UBE4B: variants seen among roughly 807,000 people sequenced by gnomAD.
UBE4B encodes ubiquitination factor E4B, also known as ubiquitin conjugation factor E4 B.
A neutral mutation model predicts 148.1 loss-of-function variants in UBE4B; 27 were observed. The observed-to-expected ratio is 0.18, with a 90% CI of 0.13 to 0.25. The LOEUF is 0.25. UBE4B is among the 10% of genes least tolerant of loss of function. The probability of loss-of-function intolerance (pLI) is 1.00; values close to 1 mark genes in which losing one functional copy is unlikely to be tolerated. For synonymous variants in UBE4B, 596 were observed against 619.3 expected (o/e 0.96, Z 0.56); for missense variants, 1,170 against 1,662.4 (o/e 0.70, Z 5.15).
chr1:10,098,978 C>T (rs1644968843), intron 3 of UBE4B, among the ~76,000 whole-genome samples: 1 of 152,174 alleles, frequency 6.6e-6, no homozygotes, highest in African/African-American at 2.4e-5. Context: ...TGGCTCACAC[C>T]TGTAATCCCA....
chr1:10,178,508 T>C lies in UBE4B; in HGVS notation c.3526-136T>C. ...CATAAAGACGGATATATAAAATATA[T>C]AAGTGTATATATAATTTTAGGGCTT... On this transcript the variant is annotated intron_variant, in intron 25 of 27. Transcript: ENST00000343090. The C allele has an allele frequency of 5.3e-6, 4 of 755,148 alleles. 1 individual carries two copies. The highest frequency in any genetic ancestry group is 8.2e-6 in the Non-Finnish European group (4 of 487,812). 46.8% of individuals were successfully genotyped at this position (755,148 alleles called of 1,614,324 possible). A position where few individuals can be genotyped will look rare whatever the true frequency, so the allele number is the denominator to read the frequency against.
intron 3 of UBE4B, among the ~76,000 whole-genome samples, chr1:10,096,963 T>C (rs1644938145): frequency 6.6e-6 from 1 of 150,840 alleles, no homozygotes; most frequent in South Asian, 2.1e-4. Flanking sequence ...CACTTGAACC[T>C]GGGAGGTGTA....
chr1:10,140,580 G>A (rs747336111), intron 17 of UBE4B, among the ~76,000 whole-genome samples: 8 of 152,042 alleles, frequency 5.3e-5, no homozygotes, highest in African/African-American at 1.7e-4. Flanking sequence ...TTTATCCTCC[G>A]ATGGATTACC....
chr1:10,064,385 G>A (rs1405463327), intron 1 of UBE4B, among the ~76,000 whole-genome samples: 2 of 152,182 alleles, frequency 1.3e-5, no homozygotes, highest in Non-Finnish European at 2.9e-5. Context: ...ACTGCTGATC[G>A]CATCTCCGAG....
chr1:10,076,049 A>G (rs1420539827), intron 2 of UBE4B, among the ~76,000 whole-genome samples: 1 of 152,188 alleles, frequency 6.6e-6, no homozygotes, highest in Non-Finnish European at 1.5e-5. Context: ...GTCTCAAAAA[A>G]GAGAAAAAGA....
At chr1:10,177,266 T>C (rs1034046898) in intron 25 of UBE4B, among the ~76,000 whole-genome samples, 1 of 148,032 alleles carries the variant, frequency 6.8e-6, no homozygotes, top group South Asian at 2.3e-4. Context: ...ACGCCTGTAA[T>C]CCCACCACTT....
intron 22 of UBE4B, among the ~76,000 whole-genome samples, chr1:10,159,469 G>A (rs1646125740): frequency 6.6e-6 from 1 of 152,140 alleles, no homozygotes; most frequent in South Asian, 2.1e-4. Context: ...TCAGGAGATC[G>A]AGACCATCCT....
intron 25 of UBE4B, among the ~76,000 whole-genome samples, chr1:10,173,810 G>C (rs1646373984): frequency 6.6e-6 from 1 of 152,226 alleles, no homozygotes; most frequent in Non-Finnish European, 1.5e-5. Flanking sequence ...GTAACACACA[G>C]AAGGTTTCGG....
chr1:10,073,539 T>G (rs1644522856), intron 2 of UBE4B, among the ~76,000 whole-genome samples: 1 of 151,934 alleles, frequency 6.6e-6, no homozygotes, highest in Non-Finnish European at 1.5e-5. Context: ...CTAGCCAACA[T>G]GGTGAAAGCC....
chr1:10,146,938 G>C, intron 18 of UBE4B, 25 bp from the exon 19 acceptor site: 1 of 1,612,000 alleles, frequency 6.2e-7, no homozygotes, highest in Non-Finnish European at 8.5e-7. Context: ...CTGATCTTTG[G>C]GTGGGGACAT....
intron 1 of UBE4B, among the ~76,000 whole-genome samples, chr1:10,055,827 G>A (rs1644156840): frequency 6.6e-6 from 1 of 152,190 alleles, no homozygotes; most frequent in Non-Finnish European, 1.5e-5. Context: ...GGCTGAGGCA[G>A]GAGAATCACT....
In UBE4B at chr1:10,069,781, G is replaced by A. The variant is rs907332444; in HGVS notation, c.25-2247G>A. Among the ~76,000 whole-genome samples the A allele has an allele frequency of 5.3e-5, 8 of 152,166 alleles. No individual in the cohort carries two copies. In the East Asian group the frequency reaches 5.8e-4, roughly 11 times the overall value. The stretch of plus-strand genomic sequence containing the variant: ...AACTCCAGACCTCAAATGATCCACC[G>A]CCTCGGACTCCCCTCGGCCGATGAT... On this transcript the variant is annotated intron_variant, in intron 1 of 27. Coordinates refer to ENST00000343090, the MANE Select transcript of UBE4B (RefSeq NM_001105562.3).
chr1:10,137,072 G>T lies in UBE4B; in HGVS notation c.2230G>T (p.Asp744Tyr). 1.2e-6 allele frequency: 2 copies of T among 1,614,022 alleles called. No homozygotes were observed. Among genetic ancestry groups the T allele is most frequent in the Non-Finnish European group, 8.5e-7 (1 of 1,179,982 alleles). Residue 744 changes from aspartate to tyrosine, a missense_variant, in exon 17 of 28, where the codon GAT becomes TAT. Around this residue, in one of 6 missense-constraint regions of UBE4B, gnomAD observed 388 missense variants for 536.0 expected, o/e 0.72. Coordinates refer to ENST00000343090, the MANE Select transcript of UBE4B (RefSeq NM_001105562.3). ...AATGATGTTATTTTTCCTAGATGGC[G>T]ATCAGCCTCCATTTTCTGAGCCGAA... ...VNDWLTELYG[D>Y]QPPFSEPKFP...
chr1:10,071,579 C>G (rs1028642188), intron 1 of UBE4B, among the ~76,000 whole-genome samples: 16 of 152,134 alleles, frequency 1.1e-4, no homozygotes, highest in Admixed American at 9.8e-4. Flanking sequence ...CAGAGAGACT[C>G]TCTCTAAAAT....
At chr1:10,095,114 A>G (rs1644910528) in intron 2 of UBE4B, among the ~76,000 whole-genome samples, 1 of 152,174 alleles carries the variant, frequency 6.6e-6, no homozygotes, top group African/African-American at 2.4e-5. Flanking sequence ...GCGCATTTCA[A>G]GGATTTTTCT....
At chr1:10,047,617 C>T (rs964785057) in intron 1 of UBE4B, among the ~76,000 whole-genome samples, 19 of 151,878 alleles carry the variant, frequency 1.3e-4, no homozygotes, top group Middle Eastern at 3.4e-3. Flanking sequence ...CTCAGCCTCC[C>T]GAGTAGCTGG....
At chr1:10,108,025 C>T (rs763139246) in intron 7 of UBE4B, among the ~76,000 whole-genome samples, 23 of 152,088 alleles carry the variant, frequency 1.5e-4, no homozygotes, top group African/African-American at 5.6e-4. Context: ...TTATCTATTG[C>T]GAGAATGTTA....
chr1:10,060,604 A>G (rs1205880990), intron 1 of UBE4B, among the ~76,000 whole-genome samples: 1 of 150,132 alleles, frequency 6.7e-6, no homozygotes, highest in Non-Finnish European at 1.5e-5. Flanking sequence ...AAACAAAACA[A>G]AAGAAAATAA....
At chr1:10,083,676 T>C (rs866168494) in intron 2 of UBE4B, among the ~76,000 whole-genome samples, 5 of 152,284 alleles carry the variant, frequency 3.3e-5, no homozygotes, top group Middle Eastern at 3.4e-3. Flanking sequence ...GCCTGAGGGC[T>C]GCAGCAGGAA....
Sources: gnomAD v4.1 joint callset for allele counts (sites outside exome capture counted in the v4.1 genomes callset) on GRCh38, gnomAD v4.1.1 for gene constraint, gnomAD v4.1.1 regional missense constraint, MANE v1.5 for transcripts, NCBI Gene and HGNC (gene_info 2026-07-23, HGNC 2026-07-21) for gene names.